INTS6: variants seen among roughly 807,000 people sequenced by gnomAD.
INTS6 encodes the protein DEAD box protein.
A neutral mutation model predicts 104.9 loss-of-function variants in INTS6; 16 were observed. That is an observed-to-expected ratio of 0.15 (90% CI 0.10 to 0.23). The LOEUF is 0.23. Among genes scored for constraint, INTS6 ranks in the 10% least tolerant of loss-of-function variants. The probability of loss-of-function intolerance (pLI) is 1.00; values close to 1 mark genes in which losing one functional copy is unlikely to be tolerated. For synonymous variants in INTS6, 324 were observed against 358.7 expected, an observed-to-expected ratio of 0.90 and a Z score of 1.09; for missense variants, 584 against 1,062.8, an observed-to-expected ratio of 0.55 and a Z score of 6.26.
chr13:51,345,592 C>CAAAAAAAAAAA, the INTS6 span, among the ~76,000 whole-genome samples: 1 of 37,016 alleles, frequency 2.7e-5, no homozygotes. Flanking sequence ...GATTTCATCT[C>CAAAAAAAAAAA]AAAAAAAAAA....
intron 4 of INTS6, among the ~76,000 whole-genome samples, chr13:51,396,652 T>C (rs1956343791): frequency 6.6e-6 from 1 of 152,192 alleles, no homozygotes; most frequent in South Asian, 2.1e-4. Flanking sequence ...CTGAATTGAA[T>C]CAAGCCTTCG....
At chr13:51,356,521 A>C (rs1187225195) in intron 3 of INTS6, among the ~76,000 whole-genome samples, 1 of 152,130 alleles carries the variant, frequency 6.6e-6, no homozygotes, top group African/African-American at 2.4e-5. Flanking sequence ...TTTCTTCTAC[A>C]TCGCTGTATT....
intron 3 of INTS6, among the ~76,000 whole-genome samples, chr13:51,436,187 A>G (rs957420123): frequency 4.0e-4 from 61 of 152,250 alleles, no homozygotes; most frequent in Non-Finnish European, 8.2e-4. Context: ...GGAAGTAAAC[A>G]ATTGGGTAAC....
chr13:51,387,351 G>A, intron 7 of INTS6, 35 bp downstream of exon 7: 3 of 1,546,440 alleles, frequency 1.9e-6, no homozygotes, highest in Non-Finnish European at 2.6e-6. Context: ...CAGCTGAATG[G>A]TTACTATTAC....
At position 51,402,257 on chromosome 13, in the gene INTS6, CTAT is replaced by C. The variant is rs1226219342; in HGVS notation, c.430-6777_430-6775del. On this transcript the variant is annotated intron_variant, in intron 4 of 17. Coordinates refer to ENST00000311234, the MANE Select transcript of INTS6 (RefSeq NM_012141.3). ...TTACAACAAGCAAATGGGATAGATA[CTAT>C]TATTATCCCCTTTTCAGAGATGAAC... 3.3e-5 allele frequency among the ~76,000 whole-genome samples: 5 copies of C among 152,156 alleles called. No individual in the cohort carries two copies. In the East Asian group the frequency reaches 9.6e-4, roughly 29 times the overall value.
At chr13:51,400,189 T>G (rs1041535729) in intron 4 of INTS6, among the ~76,000 whole-genome samples, 3 of 152,212 alleles carry the variant, frequency 2.0e-5, no homozygotes, top group African/African-American at 7.2e-5. Context: ...CCCACCCATG[T>G]CCACAGAAGA....
intron 10 of INTS6, among the ~76,000 whole-genome samples, chr13:51,380,978 AT>A (rs1956037163): frequency 6.6e-6 from 1 of 152,208 alleles, no homozygotes; most frequent in African/African-American, 2.4e-5. Flanking sequence ...TATTCTGTGA[AT>A]TCAATCAACC....
intron 4 of INTS6, among the ~76,000 whole-genome samples, chr13:51,422,429 A>G (rs1956911736): frequency 2.0e-5 from 3 of 152,218 alleles, no homozygotes; most frequent in Admixed American, 1.3e-4. Flanking sequence ...CAGACCAAGC[A>G]TGGACCCTAG....
chr13:51,449,738 CACT>C, intron 3 of INTS6: 2 of 985,304 alleles, frequency 2.0e-6, no homozygotes, highest in Non-Finnish European at 2.4e-6. Flanking sequence ...GAAGGAAATC[CACT>C]ACTATTTTAC....
intron 15 of INTS6, among the ~76,000 whole-genome samples, chr13:51,370,395 T>C (rs1955780256): frequency 6.6e-6 from 1 of 152,198 alleles, no homozygotes; most frequent in Non-Finnish European, 1.5e-5. Flanking sequence ...ATCACTATCT[T>C]AGGCCAATCT....
intron 3 of INTS6, among the ~76,000 whole-genome samples, chr13:51,433,622 A>G (rs1350494533): frequency 6.6e-6 from 1 of 152,248 alleles, no homozygotes; most frequent in Non-Finnish European, 1.5e-5. Context: ...CCCGAAAGGT[A>G]ATACTTTTTA....
the INTS6 span, chr13:51,346,958 A>G: frequency 8.2e-7 from 1 of 1,216,968 alleles, no homozygotes; most frequent in Admixed American, 2.0e-5. Context: ...TTGTCCGCAC[A>G]CACACTGGGT....
intron 3 of INTS6, among the ~76,000 whole-genome samples, chr13:51,432,705 G>A (rs556275837): frequency 6.6e-6 from 1 of 152,204 alleles, no homozygotes; most frequent in African/African-American, 2.4e-5. Flanking sequence ...CAATATAAAT[G>A]TGTACTCCCC....
downstream of INTS6, among the ~76,000 whole-genome samples, chr13:51,358,823 G>C (rs1013176691): frequency 3.9e-5 from 6 of 152,018 alleles, no homozygotes; most frequent in African/African-American, 1.4e-4. Flanking sequence ...TTTGTATATA[G>C]AATGTTGTAT....
At chr13:51,349,621 C>T (rs188725262), downstream of INTS6, among the ~76,000 whole-genome samples, 468 of 152,300 alleles carry the variant, frequency 3.1e-3, 1 homozygote, top group Non-Finnish European at 5.6e-3. Context: ...GACTCATCCT[C>T]GAGCAGTTCT....
At chr13:51,345,384 G>A in the INTS6 span, among the ~76,000 whole-genome samples, 1 of 152,112 alleles carries the variant, frequency 6.6e-6, no homozygotes, top group Non-Finnish European at 1.5e-5. Flanking sequence ...CACGAGGTCA[G>A]GAGTTTGAGA....
the INTS6 span, among the ~76,000 whole-genome samples, chr13:51,337,320 GA>G: frequency 5.3e-5 from 8 of 152,200 alleles, no homozygotes; most frequent in Non-Finnish European, 1.0e-4. Context: ...TAGACCTTTG[GA>G]TTTGAAAGTG....
chr13:51,426,349 G>A (rs9316542), intron 4 of INTS6, among the ~76,000 whole-genome samples: 2,022 of 152,064 alleles, frequency 0.013, 48 homozygotes, highest in African/African-American at 0.046. Flanking sequence ...TTTTCCTGCC[G>A]CTAGGAAAAC....
chr13:51,375,881 A>G (rs554258380), intron 13 of INTS6, among the ~76,000 whole-genome samples, 167 bp downstream of exon 13: 127 of 152,310 alleles, frequency 8.3e-4, no homozygotes, highest in Middle Eastern at 3.4e-3. Flanking sequence ...GGTAGGAAGA[A>G]AGGTACAGAA....
Sources: allele counts gnomAD v4.1 joint callset (sites outside exome capture counted in the v4.1 genomes callset), GRCh38; gene constraint gnomAD v4.1.1; transcripts MANE v1.5; gene names NCBI Gene and HGNC (gene_info 2026-07-23, HGNC 2026-07-21).